TNNC2: variants seen among roughly 807,000 people sequenced by gnomAD.
TNNC2 encodes troponin C, skeletal muscle.
Under a neutral mutation model 20.0 loss-of-function variants are expected in TNNC2, and 14 were observed. The ratio of observed to expected loss-of-function variants is 0.70; its 90% CI spans 0.46 to 1.09. TNNC2 has a LOEUF of 1.09. Among genes scored for constraint, TNNC2 ranks in the 50% least tolerant of loss-of-function variants. The pLI is 0.00. For missense variants in TNNC2, 163 were observed against 223.8 expected, an observed-to-expected ratio of 0.73 and a Z score of 1.73; for synonymous variants, 81 against 77.3, an observed-to-expected ratio of 1.05 and a Z score of -0.25.
At chr20:45,831,995 T>C (rs796123146), upstream of TNNC2, among the ~76,000 whole-genome samples, 1 of 152,194 alleles carries the variant, frequency 6.6e-6, no homozygotes, top group Non-Finnish European at 1.5e-5. Flanking sequence ...ATAAGCCAAA[T>C]GAAGAGTAAT....
chr20:45,827,885 T>C (rs73911117), upstream of TNNC2, among the ~76,000 whole-genome samples: 1,715 of 152,196 alleles, frequency 0.011, 38 homozygotes, highest in African/African-American at 0.039. Flanking sequence ...CTTTGAACCA[T>C]GGTAAGGGGC....
chr20:45,827,352 C>A (rs1028688963), upstream of TNNC2: 1 of 1,489,194 alleles, frequency 6.7e-7, no homozygotes, highest in East Asian at 2.3e-5. Context: ...GTAGGGGCAC[C>A]CTCCCCTCCC....
intron 4 of TNNC2, 82 bp from the exon 5 acceptor site, chr20:45,824,209 T>C: frequency 6.3e-7 from 1 of 1,599,716 alleles, no homozygotes; most frequent in Non-Finnish European, 8.5e-7. Flanking sequence ...GCTTCCGCAC[T>C]CCCAACACGG....
upstream of TNNC2, among the ~76,000 whole-genome samples, chr20:45,827,827 C>T (rs1191522973): frequency 6.6e-6 from 1 of 152,148 alleles, no homozygotes; most frequent in Non-Finnish European, 1.5e-5. Flanking sequence ...AGTCACCTAG[C>T]TTGTGCTGGG....
chr20:45,828,673 C>G (rs1307186629), upstream of TNNC2, among the ~76,000 whole-genome samples: 1 of 152,098 alleles, frequency 6.6e-6, no homozygotes, highest in Non-Finnish European at 1.5e-5. Context: ...GGAGCCCAAC[C>G]TGAGAATCCA....
At chr20:45,831,979 T>C (rs1192134914), upstream of TNNC2, among the ~76,000 whole-genome samples, 1 of 152,218 alleles carries the variant, frequency 6.6e-6, no homozygotes, top group African/African-American at 2.4e-5. Context: ...TCCCAATATC[T>C]TGCCCATAAG....
upstream of TNNC2, among the ~76,000 whole-genome samples, chr20:45,830,429 C>G (rs550236390): frequency 6.6e-6 from 1 of 151,920 alleles, no homozygotes; most frequent in East Asian, 1.9e-4. Context: ...GCCAGAAACT[C>G]CCATCTTTCC....
At position 45,827,276 on chromosome 20, in the gene TNNC2, T is replaced by C. The variant is rs1380468968; in HGVS notation, c.-28A>G. The C allele has an allele frequency of 6.2e-7, 1 of 1,614,094 alleles. No individual in the cohort carries two copies. Among genetic ancestry groups the C allele is most frequent in the South Asian group, 1.1e-5 (1 of 91,082 alleles). On this transcript the variant is annotated 5_prime_UTR_variant, in exon 1 of 6. Transcript: ENST00000372555. The stretch of plus-strand genomic sequence containing the variant: ...TTGCTGGTGACCGGGACTCCTCTGT[T>C]GCAGGTCGCCTCCTTTGCACTCCAC...
upstream of TNNC2, among the ~76,000 whole-genome samples, chr20:45,831,704 C>T (rs181268681): frequency 9.9e-5 from 15 of 152,176 alleles, no homozygotes; most frequent in East Asian, 2.7e-3. Context: ...GTGGAGAATG[C>T]GCAACCTTCA....
chr20:45,823,938 C>T lies in TNNC2; in HGVS notation c.451+53G>A, dbSNP rs1982877271. ...TGCACCGGAGCCAGGCACCAGTGCC[C>T]GCCGTCCTCTGGGGCTCCCACCCGC... On this transcript the variant is annotated intron_variant, in intron 5 of 5. Transcript: ENST00000372555. This position sits in a 1 kb window ranked among gnomAD's most constrained non-coding sequence, Gnocchi z 4.6. 2 of 1,609,866 alleles carry T rather than the reference C, an allele frequency of 1.2e-6. No homozygotes were observed. Among genetic ancestry groups the T allele is most frequent in the Non-Finnish European group, 8.5e-7 (1 of 1,177,404 alleles).
rs1982861099 is a variant in TNNC2 at position 45,823,406 on chromosome 20, AG to A, written c.452-28del. The A allele has an allele frequency of 6.3e-7, 1 of 1,586,834 alleles. No homozygotes were observed. The highest frequency in any genetic ancestry group is 8.6e-7 in the Non-Finnish European group (1 of 1,166,972). ...TGAGGGAAAGGAGAGGGAGAGGGTCAGGGGTCCCACTGGGGACGCAGAGGCC... is the reference window on the plus strand; with the variant it reads ...TGAGGGAAAGGAGAGGGAGAGGGTCAGGGTCCCACTGGGGACGCAGAGGCC... On this transcript the variant is annotated intron_variant, in intron 5 of 5. Coordinates refer to ENST00000372555, the MANE Select transcript of TNNC2 (RefSeq NM_003279.3). This position sits in a 1 kb window ranked among gnomAD's most constrained non-coding sequence, Gnocchi z 4.6.
At position 45,827,229 on chromosome 20, in the gene TNNC2, TC is replaced by T. The variant is rs1388411572; in HGVS notation, c.3+16del. 1.9e-6 allele frequency: 3 copies of T among 1,613,884 alleles called. No homozygotes were observed. Among genetic ancestry groups the T allele is most frequent in the Non-Finnish European group, 2.5e-6 (3 of 1,180,000 alleles). On this transcript the variant is annotated intron_variant, in intron 1 of 5. Transcript: ENST00000372555. ...TGCTCCCGTGAGTAAAGGCACAAAG[TC>T]CCCTCTTGTCCTTACCATGGTTGCT...
In TNNC2 at chr20:45,824,296, C is replaced by CAAAGGGAA. The variant is rs1982896617; in HGVS notation, c.309_310insTTCCCTTT (p.Asp104PhefsTer27). 6.2e-7 allele frequency: 1 copy of CAAAGGGAA among 1,610,218 alleles called. No individual in the cohort carries two copies. Among genetic ancestry groups the CAAAGGGAA allele is most frequent in the South Asian group, 1.1e-5 (1 of 91,076 alleles). The stretch of plus-strand genomic sequence containing the variant: ...GCTCCCGGGCCCCCAGCGCACCTGT[C>CAAAGGGAA]GAAGATGCGGAAGCACTCGGCCAGC... On this transcript the variant is annotated frameshift_variant, in exon 4 of 6. Coordinates refer to ENST00000372555, the MANE Select transcript of TNNC2 (RefSeq NM_003279.3). LOFTEE classifies it high-confidence loss of function.
At chr20:45,825,669 T>G (rs1423588770) in intron 1 of TNNC2, among the ~76,000 whole-genome samples, 1 of 149,438 alleles carries the variant, frequency 6.7e-6, no homozygotes, top group African/African-American at 2.5e-5. Context: ...GGCTGCAGTG[T>G]AATGGCACGA....
intron 1 of TNNC2, among the ~76,000 whole-genome samples, chr20:45,825,361 G>A (rs979611591): frequency 2.6e-5 from 4 of 151,132 alleles, no homozygotes; most frequent in Admixed American, 6.6e-5. Flanking sequence ...GCGTGATCTC[G>A]GCTCACTGCA....
rs1982925917 is a variant in TNNC2, at chr20:45,824,820, A to G, written c.18T>C (p.Ala6=). The G allele has an allele frequency of 1.2e-6, 2 of 1,613,424 alleles. No individual in the cohort carries two copies. The highest frequency in any genetic ancestry group is 1.7e-6 in the Non-Finnish European group (2 of 1,179,958). MTDQQ[A]EARSYLSEEM... The stretch of plus-strand genomic sequence containing the variant: ...CTTCGCTGAGGTAGGACCTGGCCTC[A>G]GCCTGCTGGTCCGTCTGCAGGAGAC... Residue 6 remains alanine (A), a synonymous_variant, in exon 2 of 6, where the codon GCT becomes GCC. Coordinates refer to ENST00000372555, the MANE Select transcript of TNNC2 (RefSeq NM_003279.3).
chr20:45,824,916 C>T, intron 1 of TNNC2, 82 bp from the exon 2 acceptor site: 1 of 1,503,782 alleles, frequency 6.6e-7, no homozygotes, highest in Non-Finnish European at 9.2e-7. Flanking sequence ...TTCCCAACCC[C>T]CACTCTGTCA....
chr20:45,823,408 G>A lies in TNNC2; in HGVS notation c.452-29C>T. On this transcript the variant is annotated intron_variant, in intron 5 of 5. Coordinates refer to ENST00000372555, the MANE Select transcript of TNNC2 (RefSeq NM_003279.3). The surrounding 1 kb of genome is among the most constrained non-coding windows in gnomAD (Gnocchi z 4.6). ...AGGGAAAGGAGAGGGAGAGGGTCAG[G>A]GGTCCCACTGGGGACGCAGAGGCCA... 6.3e-7 allele frequency: 1 copy of A among 1,583,986 alleles called. No homozygotes were observed. The highest frequency in any genetic ancestry group is 8.6e-7 in the Non-Finnish European group (1 of 1,165,428).
At chr20:45,828,841 C>T (rs1264830978), upstream of TNNC2, among the ~76,000 whole-genome samples, 1 of 152,188 alleles carries the variant, frequency 6.6e-6, no homozygotes, top group East Asian at 1.9e-4. Context: ...GGGCTGCCCC[C>T]TTCCCCTATA....
Sources: gnomAD v4.1 joint callset for allele counts (sites outside exome capture counted in the v4.1 genomes callset) on GRCh38, gnomAD v4.1.1 for gene constraint, Gnocchi (gnomAD v3.1) non-coding constraint, MANE v1.5 for transcripts, NCBI Gene and HGNC (gene_info 2026-07-23, HGNC 2026-07-21) for gene names.